The following PUS10 variants were observed in gnomAD, a reference collection of about 807,000 sequenced individuals.
PUS10 encodes pseudouridine synthase 10.
In PUS10, 59 loss-of-function variants were observed where a neutral mutation model predicts 75.0. That is an observed-to-expected ratio of 0.79 (90% CI 0.64 to 0.98). The LOEUF is 0.98. Ranked by LOEUF, PUS10 falls within the 50% of genes least tolerant of loss-of-function variation. The pLI is 0.00. For missense variants in PUS10, 650 were observed against 614.4 expected (o/e 1.06, Z -0.61); for synonymous variants, 219 against 211.6 (o/e 1.03, Z -0.30).
chr2:60,977,242 G>A (rs143332640), intron 4 of PUS10, among the ~76,000 whole-genome samples: 17 of 152,254 alleles, frequency 1.1e-4, no homozygotes, highest in Non-Finnish European at 2.1e-4. Context: ...TCAAGCAGAG[G>A]TGATGGAGAA....
rs1486089321 is a variant in PUS10 at position 60,948,043 on chromosome 2, G to T, written c.1451C>A (p.Thr484Asn). 1 of 1,613,942 alleles carries T rather than the reference G, an allele frequency of 6.2e-7. No individual in the cohort carries two copies. The highest frequency in any genetic ancestry group is 2.2e-5 in the East Asian group (1 of 44,878). ...GGCAGTGCAGCAGGTGGAAGGATAC[G>T]TGCCAGCCTGAGTTTTCAAGTGGAG... ...FRLHLKTQAG[T>N]YIKEFVHGDF... The change falls in exon 16 of 18, where the codon ACC (threonine) becomes AAC (asparagine). Residue 484 changes from threonine (T) to asparagine (N), a missense_variant and splice_region_variant. Thr to Asn is a moderately conservative substitution (Grantham distance 65). Transcript: ENST00000316752.
chr2:60,951,054 T>C (rs1415298845), intron 15 of PUS10, among the ~76,000 whole-genome samples: 1 of 152,216 alleles, frequency 6.6e-6, no homozygotes, highest in African/African-American at 2.4e-5. Flanking sequence ...TTTCAAATGA[T>C]TCTTGGCCAC....
chr2:60,992,797 C>T (rs1678195896), intron 4 of PUS10, among the ~76,000 whole-genome samples: 1 of 152,072 alleles, frequency 6.6e-6, no homozygotes, highest in South Asian at 2.1e-4. Context: ...CAGCTACTGG[C>T]AATAACATTT....
intron 4 of PUS10, among the ~76,000 whole-genome samples, chr2:60,973,138 A>G (rs1346001392): frequency 1.3e-5 from 2 of 152,258 alleles, no homozygotes; most frequent in African/African-American, 4.8e-5. Flanking sequence ...TCCCGGCCTC[A>G]ACCTCGCTCC....
chr2:60,979,795 T>A, intron 4 of PUS10, among the ~76,000 whole-genome samples: 1 of 152,190 alleles, frequency 6.6e-6, no homozygotes, highest in East Asian at 1.9e-4. Context: ...AACTTTTAGA[T>A]AGCATTGAAA....
At chr2:61,001,012 T>C (rs145978309) in intron 4 of PUS10, among the ~76,000 whole-genome samples, 2 of 152,306 alleles carry the variant, frequency 1.3e-5, no homozygotes, top group Non-Finnish European at 2.9e-5. Context: ...CCCTTACCAA[T>C]GACCAGTCTA....
intron 4 of PUS10, among the ~76,000 whole-genome samples, chr2:60,999,263 A>G (rs1486611330): frequency 6.6e-6 from 1 of 152,210 alleles, no homozygotes; most frequent in Non-Finnish European, 1.5e-5. Context: ...TGGGACATTC[A>G]TTCTATAGTT....
At chr2:61,008,392 G>A (rs996657380) in intron 3 of PUS10, among the ~76,000 whole-genome samples, 2 of 152,080 alleles carry the variant, frequency 1.3e-5, no homozygotes, top group African/African-American at 4.8e-5. Context: ...GCATGAGGCT[G>A]AGGCAGGACA....
chr2:60,945,533 G>A (rs745464218), intron 16 of PUS10, among the ~76,000 whole-genome samples: 1 of 152,162 alleles, frequency 6.6e-6, no homozygotes, highest in Non-Finnish European at 1.5e-5. Flanking sequence ...GCCACACAGA[G>A]AGTGATCTCA....
chr2:60,974,839 C>T (rs912095778), intron 4 of PUS10, among the ~76,000 whole-genome samples: 1 of 152,250 alleles, frequency 6.6e-6, no homozygotes, highest in African/African-American at 2.4e-5. Context: ...CCACGCCTGG[C>T]TTGCCCTTGG....
intron 6 of PUS10, chr2:60,966,291 T>C (rs1192038436): frequency 6.6e-6 from 1 of 152,154 alleles, no homozygotes. Context: ...CCATGGAGAA[T>C]ATACAAAATT....
chr2:60,993,725 C>T (rs891626477), intron 4 of PUS10, among the ~76,000 whole-genome samples: 2 of 151,942 alleles, frequency 1.3e-5, no homozygotes, highest in African/African-American at 4.8e-5. Flanking sequence ...GTAAAAATAA[C>T]TTTCAATATT....
At position 61,017,825 on chromosome 2, in the gene PUS10, G is replaced by A. The variant is rs1264694420; in HGVS notation, c.-16+183C>T. ...CCCGCCGAATTCCGGGAGCCGGACC[G>A]GGACCAGGACCGGGCCCCACTTTCC... On this transcript the variant is annotated intron_variant, in intron 1 of 17. Transcript: ENST00000316752. 7.7e-6 allele frequency: 12 copies of A among 1,550,422 alleles called. No individual in the cohort carries two copies. The East Asian group carries it at 9.7e-5, about 13-fold the overall frequency.
At chr2:60,965,248 T>G in intron 7 of PUS10, 145 bp from the exon 8 acceptor site, 1 of 997,306 alleles carries the variant, frequency 1.0e-6, no homozygotes. Context: ...TATATCGGTT[T>G]GCCCAGGAAC....
In PUS10 at chr2:61,008,806, G is replaced by T. The variant is rs1273332238; in HGVS notation, c.336C>A (p.Cys112Ter). The T allele has an allele frequency of 1.2e-6, 2 of 1,602,386 alleles. No homozygotes were observed. The highest frequency in any genetic ancestry group is 1.3e-5 in the African/African-American group (1 of 74,550). ...KNSNLNVCNV[C>*]LGILQEFCEK... ...CACAGAATTCTTGAAGAATTCCTAG[G>T]CATACATTACATACATTTAAATTTG... The change falls in exon 3 of 18, where the codon TGC (cysteine) becomes TGA (stop). Residue 112 changes from cysteine to a stop codon, truncating the protein, a stop_gained. Transcript: ENST00000316752. LOFTEE classifies it high-confidence loss of function.
chr2:60,970,770 G>A (rs570487473), intron 5 of PUS10, among the ~76,000 whole-genome samples: 2 of 152,272 alleles, frequency 1.3e-5, no homozygotes, highest in African/African-American at 4.8e-5. Context: ...ATAAAGGATT[G>A]TGAATCTATG....
chr2:61,010,759 A>T, intron 2 of PUS10: 1 of 1,548,716 alleles, frequency 6.5e-7, no homozygotes, highest in East Asian at 2.4e-5. Context: ...CTGGGATTCA[A>T]ATCCATGTCT....
intron 3 of PUS10, among the ~76,000 whole-genome samples, 177 bp from the exon 4 acceptor site, chr2:61,006,820 CCTGAAG>C (rs1679244218): frequency 6.6e-6 from 1 of 152,152 alleles, no homozygotes; most frequent in African/African-American, 2.4e-5. Context: ...TAACTATGAC[CCTGAAG>C]ACTAATACCA....
intron 12 of PUS10, 107 bp from the exon 13 acceptor site, chr2:60,954,265 A>AGTTAACATTTGGG: frequency 1.0e-6 from 1 of 965,530 alleles, no homozygotes; most frequent in Non-Finnish European, 1.6e-6. Flanking sequence ...GCTCTAGAGG[A>AGTTAACATTTGGG]CTGAAAGTTT....
Sources: allele counts gnomAD v4.1 joint callset (sites outside exome capture counted in the v4.1 genomes callset), GRCh38; gene constraint gnomAD v4.1.1; transcripts MANE v1.5; gene names NCBI Gene and HGNC (gene_info 2026-07-23, HGNC 2026-07-21).